Variants in TSHZ2 observed in about 807,000 individuals in gnomAD.
TSHZ2 encodes the protein teashirt zinc finger homeobox 2.
Under a neutral mutation model 74.4 loss-of-function variants are expected in TSHZ2, and 21 were observed. The ratio of observed to expected loss-of-function variants is 0.28; its 90% confidence interval spans 0.20 to 0.41. TSHZ2 has a LOEUF of 0.41. Among genes scored for constraint, TSHZ2 ranks in the 10% least tolerant of loss-of-function variants. TSHZ2 has a pLI of 1.00. For missense variants in TSHZ2, 1,244 were observed against 1,293.5 expected (o/e 0.96, Z 0.59); for synonymous variants, 540 against 515.3 (o/e 1.05, Z -0.65).
chr20:53,255,420 G>C lies in TSHZ2; in HGVS notation c.1962G>C (p.Glu654Asp). 1 of 1,613,288 alleles carries C rather than the reference G, an allele frequency of 6.2e-7. No individual in the cohort carries two copies. The highest frequency in any genetic ancestry group is 2.2e-5 in the East Asian group (1 of 44,886). The change falls in exon 2 of 3, where the codon GAG (glutamate) becomes GAC (aspartate). Residue 654 changes from glutamate (E) to aspartate (D), a missense_variant. By Grantham distance (45) the Glu-to-Asp change is conservative (BLOSUM62 2). Around this residue, in one of 6 missense-constraint regions of TSHZ2, gnomAD observed 562 missense variants for 544.0 expected, o/e 1.03. Coordinates refer to ENST00000371497, the MANE Select transcript of TSHZ2 (RefSeq NM_173485.6). The surrounding 1 kb of genome is among the most constrained non-coding windows in gnomAD (Gnocchi z 4.1). ...CCGAGCTGGGTCCCCTGAAGGAGGA[G>C]GAGAAGCTGATGAAAGAGGGCAGCG... ...KKTELGPLKEEEKLMKEGSEK... is the reference protein window; with the variant it reads ...KKTELGPLKEDEKLMKEGSEK...
intron 1 of TSHZ2, among the ~76,000 whole-genome samples, chr20:53,249,511 T>C (rs1600766564): frequency 6.6e-6 from 1 of 152,102 alleles, no homozygotes; most frequent in African/African-American, 2.4e-5. Context: ...GGTGATGTGA[T>C]GGATAGTTAC....
intron 1 of TSHZ2, among the ~76,000 whole-genome samples, chr20:53,242,924 C>T (rs1257176462): frequency 6.6e-6 from 1 of 152,168 alleles, no homozygotes; most frequent in Non-Finnish European, 1.5e-5. Flanking sequence ...ATAGATTTGA[C>T]CTGCCCTCTG....
intron 1 of TSHZ2, chr20:53,179,672 A>G (rs555692187): frequency 6.6e-6 from 1 of 152,326 alleles, no homozygotes; most frequent in Admixed American, 6.5e-5. Context: ...ACCCATCGTC[A>G]TTGTCCAGGC....
At chr20:53,079,488 C>T (rs371481067) in intron 1 of TSHZ2, among the ~76,000 whole-genome samples, 3 of 152,182 alleles carry the variant, frequency 2.0e-5, no homozygotes, top group African/African-American at 4.8e-5. Flanking sequence ...GGCATCTTAG[C>T]GCTACAGAGA....
At chr20:53,077,552 A>G (rs1985406292) in intron 1 of TSHZ2, among the ~76,000 whole-genome samples, 1 of 152,150 alleles carries the variant, frequency 6.6e-6, no homozygotes, top group Non-Finnish European at 1.5e-5. Context: ...CTGTCCACAT[A>G]TTAGGAGCAA....
chr20:53,492,178 T>C lies in TSHZ2; in HGVS notation c.*5043T>C, dbSNP rs1269600718. 1 of 152,118 alleles carries C rather than the reference T, an allele frequency of 6.6e-6. No homozygotes were observed. The highest frequency in any genetic ancestry group is 1.5e-5 in the Non-Finnish European group (1 of 68,014). 9.4% of individuals were successfully genotyped at this position (152,118 alleles called of 1,614,324 possible). A position where few individuals can be genotyped will look rare whatever the true frequency, so the allele number is the denominator to read the frequency against. On this transcript the variant is annotated 3_prime_UTR_variant, in exon 3 of 3. Coordinates refer to ENST00000371497, the MANE Select transcript of TSHZ2 (RefSeq NM_173485.6). ...AACCTGCATTTAGATATCAGTCCCC[T>C]GCCAATAGCTAATATTAACAGAATT... is the stretch of plus-strand genomic sequence containing the variant.
chr20:53,039,594 C>T (rs1429929907), intron 1 of TSHZ2, among the ~76,000 whole-genome samples: 1 of 152,130 alleles, frequency 6.6e-6, no homozygotes, highest in East Asian at 1.9e-4. Flanking sequence ...AGTTGGTCAA[C>T]ATGGTGAAAC....
rs146744669 is a variant in TSHZ2, at chr20:53,182,156, T to TCTTCCTTTTCTTTCTTTCTTC, written c.41-71321_41-71301dup. Among the ~76,000 whole-genome samples, 22 of 138,892 alleles carry TCTTCCTTTTCTTTCTTTCTTC rather than the reference T, an allele frequency of 1.6e-4. 1 individual carries two copies. The highest frequency in any genetic ancestry group is 5.3e-4 in the South Asian group (2 of 3,802). The allele number at this position is 138,892 out of a possible 152,430, so 91.1% of individuals were successfully genotyped here. A position where few individuals can be genotyped will look rare whatever the true frequency, so the allele number is the denominator to read the frequency against. On this transcript the variant is annotated intron_variant, in intron 1 of 2. Coordinates refer to ENST00000371497, the MANE Select transcript of TSHZ2 (RefSeq NM_173485.6). ...CCTCCCTTCTCTCCCTCCCTCCCTC[T>TCTTCCTTTTCTTTCTTTCTTC]CTTCCTTTTCTTTCTTTCTTCCTTC... is the stretch of plus-strand genomic sequence containing the variant.
chr20:53,055,080 G>A (rs953569235), intron 1 of TSHZ2, among the ~76,000 whole-genome samples: 1 of 152,120 alleles, frequency 6.6e-6, no homozygotes. Flanking sequence ...TGATCTGTGG[G>A]CTGTCAGTTT....
chr20:53,311,849 A>G (rs1206414953), intron 2 of TSHZ2, among the ~76,000 whole-genome samples: 3 of 152,158 alleles, frequency 2.0e-5, no homozygotes, highest in Non-Finnish European at 1.5e-5. Context: ...TGGGAGGCGG[A>G]GGTGGGATGA....
intron 1 of TSHZ2, 97 bp downstream of exon 1, chr20:52,973,430 C>T (rs1981206045): frequency 6.8e-7 from 1 of 1,474,280 alleles, no homozygotes; most frequent in Non-Finnish European, 9.2e-7. Context: ...CCCACTTAAG[C>T]TTTCGGGGGA....
chr20:53,072,562 T>A (rs548172103), intron 1 of TSHZ2, among the ~76,000 whole-genome samples: 1 of 152,228 alleles, frequency 6.6e-6, no homozygotes, highest in Non-Finnish European at 1.5e-5. Context: ...ATCTAAATAA[T>A]GTCTTGTTTC....
intron 2 of TSHZ2, among the ~76,000 whole-genome samples, chr20:53,472,178 G>C (rs1220530488): frequency 6.6e-6 from 1 of 152,302 alleles, no homozygotes; most frequent in East Asian, 1.9e-4. Flanking sequence ...CACTTTGTTT[G>C]CTATATGGAA....
chr20:53,139,398 G>A (rs1987331969), intron 1 of TSHZ2, among the ~76,000 whole-genome samples: 1 of 152,184 alleles, frequency 6.6e-6, no homozygotes, highest in Non-Finnish European at 1.5e-5. Flanking sequence ...AAGAGACTGG[G>A]CAAGGTGAGG....
intron 2 of TSHZ2, among the ~76,000 whole-genome samples, chr20:53,312,884 G>A (rs974578908): frequency 2.0e-5 from 3 of 152,214 alleles, no homozygotes; most frequent in Non-Finnish European, 4.4e-5. Flanking sequence ...GCAAGGCTAG[G>A]AGGAGATAAG....
chr20:53,300,556 T>C (rs1991460310), intron 2 of TSHZ2, among the ~76,000 whole-genome samples: 1 of 152,224 alleles, frequency 6.6e-6, no homozygotes, highest in Non-Finnish European at 1.5e-5. Context: ...GTAATATTTA[T>C]TATCTCCAAT....
At chr20:53,217,779 T>A (rs775065108) in intron 1 of TSHZ2, among the ~76,000 whole-genome samples, 21 of 152,262 alleles carry the variant, frequency 1.4e-4, no homozygotes, top group Non-Finnish European at 2.8e-4. Context: ...CCCCTGCTTG[T>A]AACCCCTGGT....
At chr20:53,140,413 G>A (rs1175132824) in intron 1 of TSHZ2, among the ~76,000 whole-genome samples, 13 of 151,722 alleles carry the variant, frequency 8.6e-5, no homozygotes, top group African/African-American at 2.7e-4. Flanking sequence ...GGTGGCAGGC[G>A]CCTGTAGTCC....
intron 1 of TSHZ2, among the ~76,000 whole-genome samples, chr20:53,199,169 G>A (rs1288938998): frequency 1.3e-5 from 2 of 152,188 alleles, no homozygotes; most frequent in African/African-American, 4.8e-5. Context: ...TTAGTTTGTA[G>A]AATTATATTT....
Sources: gnomAD v4.1 joint callset for allele counts (sites outside exome capture counted in the v4.1 genomes callset) on GRCh38, gnomAD v4.1.1 for gene constraint, gnomAD v4.1.1 regional missense constraint, Gnocchi (gnomAD v3.1) non-coding constraint, MANE v1.5 for transcripts, NCBI Gene and HGNC (gene_info 2026-07-23, HGNC 2026-07-21) for gene names.